The following TMEM200A variants were observed in gnomAD, a reference collection of about 807,000 sequenced individuals.
TMEM200A encodes the protein two transmembrane C.
A neutral mutation model predicts 24.3 loss-of-function variants in TMEM200A; 12 were observed. The ratio of observed to expected loss-of-function variants is 0.49; its 90% CI spans 0.32 to 0.80. The LOEUF is 0.80. Among genes scored for constraint, TMEM200A ranks in the 30% least tolerant of loss-of-function variants. The pLI is 0.04. For synonymous variants in TMEM200A, 224 were observed against 224.4 expected (o/e 1.00, Z 0.02); for missense variants, 545 against 614.4 (o/e 0.89, Z 1.19).
chr6:130,368,798 A>AGAG (rs1778243230), intron 1 of TMEM200A, among the ~76,000 whole-genome samples: 1 of 152,196 alleles, frequency 6.6e-6, no homozygotes, highest in African/African-American at 2.4e-5. Context: ...AGTGGGTTGC[A>AGAG]GAGGGACCTG....
intron 2 of TMEM200A, among the ~76,000 whole-genome samples, chr6:130,436,139 G>A (rs991740985): frequency 3.3e-5 from 5 of 152,150 alleles, no homozygotes; most frequent in African/African-American, 1.2e-4. Flanking sequence ...CATCTCAAAT[G>A]GGAGGCTCTG....
At chr6:130,413,480 C>A (rs1779377703) in intron 2 of TMEM200A, among the ~76,000 whole-genome samples, 1 of 152,174 alleles carries the variant, frequency 6.6e-6, no homozygotes, top group Non-Finnish European at 1.5e-5. Context: ...TTCCTACGCT[C>A]AGTCTTCCCT....
chr6:130,413,232 G>A (rs1779372308), intron 2 of TMEM200A, among the ~76,000 whole-genome samples: 1 of 152,218 alleles, frequency 6.6e-6, no homozygotes, highest in Admixed American at 6.5e-5. Flanking sequence ...AACTGGCTGT[G>A]AAGCCCTCTA....
chr6:130,415,539 C>T (rs6913219), intron 2 of TMEM200A, among the ~76,000 whole-genome samples: 5,917 of 152,194 alleles, frequency 0.039, 378 homozygotes, highest in African/African-American at 0.13. Context: ...CTGAAGTCTC[C>T]GTAACATGGC....
chr6:130,378,680 G>T (rs777231353), intron 1 of TMEM200A, among the ~76,000 whole-genome samples: 1 of 145,942 alleles, frequency 6.9e-6, no homozygotes, highest in Non-Finnish European at 1.5e-5. Context: ...CCAAGATCGT[G>T]CCACTGCACT....
chr6:130,382,678 G>A (rs1044241202), intron 1 of TMEM200A, among the ~76,000 whole-genome samples: 1 of 152,118 alleles, frequency 6.6e-6, no homozygotes, highest in Non-Finnish European at 1.5e-5. Flanking sequence ...GAACATGAAA[G>A]ATTTTTTTTT....
At chr6:130,432,073 T>TGCC (rs1779889677) in intron 2 of TMEM200A, among the ~76,000 whole-genome samples, 1 of 152,174 alleles carries the variant, frequency 6.6e-6, no homozygotes, top group African/African-American at 2.4e-5. Context: ...AATCATAGCT[T>TGCC]AAACTTGCCA....
chr6:130,376,827 A>G (rs749918536), intron 1 of TMEM200A, among the ~76,000 whole-genome samples: 2 of 152,168 alleles, frequency 1.3e-5, no homozygotes, highest in African/African-American at 2.4e-5. Context: ...TAAAGATTTT[A>G]TTAATATCAC....
chr6:130,382,962 C>T, intron 1 of TMEM200A: 1 of 948,468 alleles, frequency 1.1e-6, no homozygotes, highest in East Asian at 1.2e-4. Flanking sequence ...TGCTTTGCCT[C>T]CCTAGTGACT....
intron 2 of TMEM200A, among the ~76,000 whole-genome samples, chr6:130,416,715 C>T (rs1779465117): frequency 6.6e-6 from 1 of 152,158 alleles, no homozygotes; most frequent in South Asian, 2.1e-4. Context: ...CCTTTCCATA[C>T]AGCAGCATGA....
chr6:130,394,741 A>C (rs1451764702), intron 2 of TMEM200A, among the ~76,000 whole-genome samples: 1 of 152,222 alleles, frequency 6.6e-6, no homozygotes, highest in Non-Finnish European at 1.5e-5. Context: ...GTAGGCATGC[A>C]TGAGATGTTA....
At chr6:130,389,510 A>G (rs1778787455) in intron 2 of TMEM200A, among the ~76,000 whole-genome samples, 1 of 151,696 alleles carries the variant, frequency 6.6e-6, no homozygotes. Context: ...CTACCAAAAT[A>G]TTTTGAATAG....
chr6:130,395,472 G>A (rs1778931204), intron 2 of TMEM200A, among the ~76,000 whole-genome samples: 2 of 152,190 alleles, frequency 1.3e-5, no homozygotes, highest in African/African-American at 4.8e-5. Flanking sequence ...CTCAAAAATG[G>A]TCTCTTCAGA....
chr6:130,387,051 C>T (rs1404264712), intron 2 of TMEM200A, among the ~76,000 whole-genome samples: 1 of 152,110 alleles, frequency 6.6e-6, no homozygotes, highest in Admixed American at 6.6e-5. Context: ...ATTATCAATG[C>T]TAAGAGGACT....
At chr6:130,416,323 C>G (rs757832361) in intron 2 of TMEM200A, among the ~76,000 whole-genome samples, 63 of 126,044 alleles carry the variant, frequency 5.0e-4, no homozygotes, top group Non-Finnish European at 8.0e-4. Flanking sequence ...ATTTCTCTCT[C>G]TCTGTCTCTC....
chr6:130,426,380 TA>T (rs976955754), intron 2 of TMEM200A, among the ~76,000 whole-genome samples: 1 of 149,618 alleles, frequency 6.7e-6, no homozygotes, highest in African/African-American at 2.5e-5. Context: ...GCATGAAAAT[TA>T]AATAAAATTC....
chr6:130,390,722 T>A (rs1778814204), intron 2 of TMEM200A, among the ~76,000 whole-genome samples: 1 of 152,226 alleles, frequency 6.6e-6, no homozygotes, highest in African/African-American at 2.4e-5. Context: ...AGATATCTGC[T>A]AGAATCAGAT....
chr6:130,435,204 C>T (rs716301), intron 2 of TMEM200A, among the ~76,000 whole-genome samples: 16,352 of 151,870 alleles, frequency 0.11, 1,176 homozygotes, highest in East Asian at 0.34. Flanking sequence ...AGGATGGTCT[C>T]GAATTCCTGG....
At chr6:130,377,665 C>T (rs1421444457) in intron 1 of TMEM200A, among the ~76,000 whole-genome samples, 2 of 152,192 alleles carry the variant, frequency 1.3e-5, no homozygotes, top group Non-Finnish European at 2.9e-5. Flanking sequence ...AGTAGAGCCT[C>T]ACTCATTTAT....
Sources: gnomAD v4.1 joint callset for allele counts (sites outside exome capture counted in the v4.1 genomes callset) on GRCh38, gnomAD v4.1.1 for gene constraint, MANE v1.5 for transcripts, NCBI Gene and HGNC (gene_info 2026-07-23, HGNC 2026-07-21) for gene names.